Variants in KDM4C observed in about 807,000 individuals in gnomAD.
KDM4C encodes lysine-specific demethylase 4C.
KDM4C carries 81 observed loss-of-function variants against 129.3 expected under a neutral mutation model. The observed-to-expected ratio is 0.63, with a 90% CI of 0.52 to 0.75. The LOEUF (loss-of-function observed/expected upper bound fraction) is 0.75, where lower values mean the gene tolerates loss of function less well. KDM4C is among the 30% of genes least tolerant of loss of function. The pLI is 0.00. For missense variants in KDM4C, 1,457 were observed against 1,304.0 expected (o/e 1.12, Z -1.81); for synonymous variants, 573 against 456.1 (o/e 1.26, Z -3.26).
intron 1 of KDM4C, among the ~76,000 whole-genome samples, chr9:6,749,905 G>A (rs1818012840): frequency 7.0e-6 from 1 of 142,194 alleles, no homozygotes; most frequent in Non-Finnish European, 1.5e-5. Context: ...AGAATCACTT[G>A]AACCAGGGGG....
In KDM4C at chr9:6,804,935, C is replaced by T. The variant is rs1279661422; in HGVS notation, c.145-664C>T. Among the ~76,000 whole-genome samples, 9 of 152,008 alleles carry T rather than the reference C, an allele frequency of 5.9e-5. No individual in the cohort carries two copies. The East Asian group carries it at 1.8e-3, about 30-fold the overall frequency. ...GTTTTTCCTGAGACAGAGTCTCACT[C>T]TGTCACCCAGGCTGGAGTGCAGTGG... On this transcript the variant is annotated intron_variant, in intron 2 of 21. Coordinates refer to ENST00000381309, the MANE Select transcript of KDM4C (RefSeq NM_015061.6).
chr9:6,945,689 AT>A (rs1419406437), intron 8 of KDM4C, among the ~76,000 whole-genome samples: 1 of 152,188 alleles, frequency 6.6e-6, no homozygotes, highest in African/African-American at 2.4e-5. Context: ...TAAAACCAGG[AT>A]TTTACTACAT....
chr9:7,028,507 G>A (rs1220038258), intron 15 of KDM4C, among the ~76,000 whole-genome samples: 1 of 151,578 alleles, frequency 6.6e-6, no homozygotes, highest in Non-Finnish European at 1.5e-5. Context: ...TCCTCAAGCA[G>A]AAGGAAGGGA....
At chr9:7,033,938 A>G (rs761197946) in intron 15 of KDM4C, among the ~76,000 whole-genome samples, 11 of 152,140 alleles carry the variant, frequency 7.2e-5, no homozygotes, top group Non-Finnish European at 1.5e-4. Context: ...AGAGTGTGGA[A>G]AAACTGCAGT....
intron 1 of KDM4C, chr9:6,723,494 C>T (rs1023204506): frequency 6.6e-6 from 1 of 152,336 alleles, no homozygotes; most frequent in Admixed American, 6.6e-5. Context: ...CCGATCTCTT[C>T]CTCTCTCTTA....
intron 1 of KDM4C, among the ~76,000 whole-genome samples, chr9:6,763,219 C>T (rs888297911): frequency 6.6e-6 from 1 of 152,182 alleles, no homozygotes; most frequent in Non-Finnish European, 1.5e-5. Context: ...CTGTGTGTGA[C>T]TGCCCAGCCA....
chr9:6,825,156 A>G (rs1833686279), intron 4 of KDM4C, among the ~76,000 whole-genome samples: 1 of 151,828 alleles, frequency 6.6e-6, no homozygotes. Context: ...CAAAAAAAAA[A>G]AAAAAAAAAA....
chr9:6,865,064 A>G (rs569738539), intron 5 of KDM4C, among the ~76,000 whole-genome samples: 4 of 141,316 alleles, frequency 2.8e-5, no homozygotes, highest in Non-Finnish European at 6.0e-5. Flanking sequence ...GCTGGAGTGC[A>G]GTGACGCGAT....
chr9:6,805,895 C>A (rs958831714), intron 3 of KDM4C, 121 bp downstream of exon 3: 3 of 831,456 alleles, frequency 3.6e-6, no homozygotes, highest in Non-Finnish European at 5.4e-6. Context: ...AATTTTTCAC[C>A]CTTCATTGAA....
At chr9:6,783,325 A>G (rs917433305) in intron 1 of KDM4C, among the ~76,000 whole-genome samples, 2 of 152,214 alleles carry the variant, frequency 1.3e-5, no homozygotes, top group African/African-American at 4.8e-5. Context: ...AAGGACCAAG[A>G]CTGGGATAGA....
intron 7 of KDM4C, among the ~76,000 whole-genome samples, chr9:6,889,219 G>T (rs1845746583): frequency 9.1e-6 from 1 of 110,382 alleles, no homozygotes; most frequent in African/African-American, 3.9e-5. Context: ...TTTTGTGTGT[G>T]TGTGTGTGTG....
intron 2 of KDM4C, among the ~76,000 whole-genome samples, chr9:6,798,199 T>C (rs1460438196): frequency 3.3e-5 from 5 of 152,192 alleles, no homozygotes; most frequent in Non-Finnish European, 5.9e-5. Flanking sequence ...CTTCTCTGTC[T>C]TTAGAAAATT....
chr9:7,026,236 C>T (rs1264703030), intron 15 of KDM4C, among the ~76,000 whole-genome samples: 1 of 151,652 alleles, frequency 6.6e-6, no homozygotes, highest in African/African-American at 2.4e-5. Flanking sequence ...CAGAAAAACT[C>T]CCTTTAGCAT....
chr9:6,882,772 T>TTGTGTGTGTGTGTG (rs3072026), intron 6 of KDM4C, among the ~76,000 whole-genome samples: 1 of 149,642 alleles, frequency 6.7e-6, no homozygotes, highest in African/African-American at 2.5e-5. Context: ...TTTTAAGCAT[T>TTGTGTGTGTGTGTG]TGTGTGTGTG....
intron 6 of KDM4C, among the ~76,000 whole-genome samples, chr9:6,886,323 T>TC: frequency 7.0e-6 from 1 of 142,244 alleles, no homozygotes; most frequent in East Asian, 2.0e-4. Flanking sequence ...CCTTCCTATC[T>TC]TTTTTTTTTT....
intron 15 of KDM4C, among the ~76,000 whole-genome samples, chr9:7,042,976 C>T (rs1243442440): frequency 6.6e-6 from 1 of 152,022 alleles, no homozygotes; most frequent in African/African-American, 2.4e-5. Flanking sequence ...TGAGTGATTA[C>T]AACTACTCTA....
intron 2 of KDM4C, among the ~76,000 whole-genome samples, chr9:6,801,460 A>G (rs1187569560): frequency 1.3e-5 from 2 of 150,072 alleles, no homozygotes; most frequent in Non-Finnish European, 3.0e-5. Flanking sequence ...GATAGTCTGG[A>G]TCTCCTGACA....
intron 6 of KDM4C, among the ~76,000 whole-genome samples, chr9:6,883,410 T>C (rs1284147047): frequency 1.3e-5 from 2 of 152,228 alleles, no homozygotes; most frequent in Admixed American, 6.5e-5. Flanking sequence ...CAATGTGTGG[T>C]GCGTCAGGGT....
intron 19 of KDM4C, among the ~76,000 whole-genome samples, chr9:7,133,681 C>T (rs1343784774): frequency 1.3e-5 from 2 of 152,142 alleles, no homozygotes; most frequent in African/African-American, 4.8e-5. Context: ...GACGCTGTGC[C>T]TGCTCTAAGG....
Sources: gnomAD v4.1 joint callset for allele counts (sites outside exome capture counted in the v4.1 genomes callset) on GRCh38, gnomAD v4.1.1 for gene constraint, MANE v1.5 for transcripts, NCBI Gene and HGNC (gene_info 2026-07-23, HGNC 2026-07-21) for gene names.